TENM2: variants seen among roughly 807,000 people sequenced by gnomAD.
The protein encoded by TENM2 is teneurin transmembrane protein 2.
A neutral mutation model predicts 245.2 loss-of-function variants in TENM2; 52 were observed. The observed-to-expected ratio is 0.21, with a 90% CI of 0.17 to 0.27. The LOEUF (loss-of-function observed/expected upper bound fraction) is 0.27. Among genes scored for constraint, TENM2 ranks in the 10% least tolerant of loss-of-function variants. TENM2 has a pLI of 1.00. For missense variants in TENM2, 3,046 were observed against 3,666.8 expected (o/e 0.83, Z 4.37); for synonymous variants, 1,363 against 1,438.9 (o/e 0.95, Z 1.19).
At position 167,405,406 on chromosome 5, in the gene TENM2, G is replaced by A. The variant is rs997315350; in HGVS notation, c.502+29933G>A. 5.3e-5 allele frequency among the ~76,000 whole-genome samples: 8 copies of A among 152,168 alleles called. No homozygotes were observed. The East Asian group carries it at 1.4e-3, about 26-fold the overall frequency. ...ATTTCTCATTTTGCATAAATGGACAGCCCACAGGGTACTGCTCATATTGCC... is the reference window on the plus strand; with the variant it reads ...ATTTCTCATTTTGCATAAATGGACAACCCACAGGGTACTGCTCATATTGCC... On this transcript the variant is annotated intron_variant, in intron 2 of 28. Coordinates refer to ENST00000518659, the Ensembl canonical transcript of TENM2.
intron 7 of TENM2, among the ~76,000 whole-genome samples, chr5:168,081,654 T>A (rs1251297411): frequency 2.0e-5 from 3 of 152,164 alleles, no homozygotes; most frequent in African/African-American, 7.2e-5. Context: ...AGCATTTGCT[T>A]GTCTGTAAAG....
At chr5:167,726,607 C>T (rs150984166) in intron 2 of TENM2, among the ~76,000 whole-genome samples, 84 of 152,192 alleles carry the variant, frequency 5.5e-4, no homozygotes, top group African/African-American at 2.0e-3. Flanking sequence ...TACAGGCATG[C>T]ACCACCACAC....
At chr5:168,214,215 AG>A (rs1307715522) in intron 20 of TENM2, among the ~76,000 whole-genome samples, 2 of 152,220 alleles carry the variant, frequency 1.3e-5, no homozygotes, top group African/African-American at 4.8e-5. Flanking sequence ...ACTCTGTCCT[AG>A]TTAGCCTCAC....
At chr5:167,853,297 A>AAAAAAAAAAAAAAAAAAAAAAG (rs1561856624) in intron 2 of TENM2, among the ~76,000 whole-genome samples, 15 of 141,588 alleles carry the variant, frequency 1.1e-4, no homozygotes, top group African/African-American at 3.7e-4. Context: ...CTCAAAAAAA[A>AAAAAAAAAAAAAAAAAAAAAAG]AAAAAAAAAA....
At chr5:167,877,206 G>A (rs924834486) in intron 3 of TENM2, among the ~76,000 whole-genome samples, 2 of 152,076 alleles carry the variant, frequency 1.3e-5, no homozygotes, top group African/African-American at 4.8e-5. Flanking sequence ...GTCTTGATGC[G>A]ATTGTGTTTA....
At chr5:168,229,588 T>TGGAACAAA (rs1764644689) in intron 25 of TENM2, 1 of 151,152 alleles carries the variant, frequency 6.6e-6, no homozygotes, top group Non-Finnish European at 1.5e-5. Flanking sequence ...CAGTAAACAA[T>TGGAACAAA]GGAACAAAGA....
intron 27 of TENM2, among the ~76,000 whole-genome samples, chr5:168,251,468 C>G (rs1042674560): frequency 1.3e-5 from 2 of 152,032 alleles, no homozygotes; most frequent in Non-Finnish European, 2.9e-5. Context: ...GTCAGAGAAG[C>G]GGCGTGCACA....
At chr5:167,157,734 G>A in the TENM2 span, among the ~76,000 whole-genome samples, 1 of 152,198 alleles carries the variant, frequency 6.6e-6, no homozygotes, top group African/African-American at 2.4e-5. Context: ...TAAGTGTCCA[G>A]TGTGTTTTAG....
chr5:168,114,718 C>T (rs776515742), intron 9 of TENM2, among the ~76,000 whole-genome samples: 2 of 152,222 alleles, frequency 1.3e-5, no homozygotes, highest in African/African-American at 2.4e-5. Context: ...AAGCAAAGCC[C>T]ATTGAGTGTC....
At chr5:167,179,702 A>G in the TENM2 span, among the ~76,000 whole-genome samples, 1 of 152,270 alleles carries the variant, frequency 6.6e-6, no homozygotes, top group Admixed American at 6.5e-5. Flanking sequence ...CCAGAGGACA[A>G]TAGAAGAAAT....
chr5:167,610,116 A>G (rs771697727), intron 2 of TENM2, among the ~76,000 whole-genome samples: 24 of 152,116 alleles, frequency 1.6e-4, no homozygotes, highest in Non-Finnish European at 3.4e-4. Context: ...ACATTTACCC[A>G]TTTATTGTAA....
chr5:168,213,230 A>T (rs1347997250), intron 20 of TENM2, among the ~76,000 whole-genome samples: 1 of 152,236 alleles, frequency 6.6e-6, no homozygotes, highest in African/African-American at 2.4e-5. Context: ...CGCTTTAGTT[A>T]TCTGGGCTGG....
chr5:167,189,018 T>A, the TENM2 span, among the ~76,000 whole-genome samples: 1 of 152,172 alleles, frequency 6.6e-6, no homozygotes, highest in Middle Eastern at 3.2e-3. Flanking sequence ...TTTTTTCCTG[T>A]TATCCTCTAT....
intron 2 of TENM2, among the ~76,000 whole-genome samples, chr5:167,580,658 C>A (rs1188501921): frequency 6.6e-6 from 1 of 152,228 alleles, no homozygotes; most frequent in Non-Finnish European, 1.5e-5. Context: ...GTCTGCAGAA[C>A]AGGGAGCAGA....
the TENM2 span, among the ~76,000 whole-genome samples, chr5:166,990,520 A>G: frequency 6.6e-6 from 1 of 152,184 alleles, no homozygotes; most frequent in Non-Finnish European, 1.5e-5. Context: ...GTAGGATTAG[A>G]TAGTTAAATA....
At chr5:167,356,059 GT>G (rs1350263652) in intron 1 of TENM2, among the ~76,000 whole-genome samples, 1 of 151,102 alleles carries the variant, frequency 6.6e-6, no homozygotes, top group East Asian at 2.0e-4. Flanking sequence ...GCGGGTGCCT[GT>G]AATCCCAGCT....
chr5:167,762,789 T>G (rs1248860596), intron 2 of TENM2, among the ~76,000 whole-genome samples: 2 of 152,328 alleles, frequency 1.3e-5, no homozygotes, highest in East Asian at 3.9e-4. Flanking sequence ...TAAGTTTACA[T>G]AGAGGTTGCA....
chr5:167,917,919 C>T (rs962703138), intron 3 of TENM2, among the ~76,000 whole-genome samples: 1 of 152,044 alleles, frequency 6.6e-6, no homozygotes, highest in African/African-American at 2.4e-5. Context: ...ATCTGTGTAA[C>T]CGCTCCAATA....
intron 5 of TENM2, 96 bp from the exon 8 acceptor site, chr5:168,047,331 A>T: frequency 7.1e-7 from 1 of 1,415,496 alleles, no homozygotes; most frequent in African/African-American, 1.4e-5. Flanking sequence ...CTTCCTCAAA[A>T]GGCAATCGCT....
Sources: gnomAD v4.1 joint callset for allele counts (sites outside exome capture counted in the v4.1 genomes callset) on GRCh38, gnomAD v4.1.1 for gene constraint, MANE v1.5 for transcripts, NCBI Gene and HGNC (gene_info 2026-07-23, HGNC 2026-07-21) for gene names.